Variants in CNTNAP4 observed in about 807,000 individuals in gnomAD.
CNTNAP4 encodes contactin-associated protein-like 4.
In CNTNAP4, 98 loss-of-function variants were observed where a neutral mutation model predicts 148.4. That is an observed-to-expected ratio of 0.66 (90% CI 0.56 to 0.78). CNTNAP4 has a LOEUF of 0.78. CNTNAP4 is among the 30% of genes least tolerant of loss of function. CNTNAP4 has a pLI of 0.00. For missense variants in CNTNAP4, 1,935 were observed against 1,565.6 expected, an observed-to-expected ratio of 1.24 and a Z score of -3.98; for synonymous variants, 730 against 565.1, an observed-to-expected ratio of 1.29 and a Z score of -4.14.
At chr16:76,542,173 T>C (rs560433244) in intron 21 of CNTNAP4, among the ~76,000 whole-genome samples, 63 of 152,302 alleles carry the variant, frequency 4.1e-4, no homozygotes, top group Non-Finnish European at 5.0e-4. Flanking sequence ...GGCTCTCCCT[T>C]TGTTAAAAAC....
chr16:76,540,850 C>CT, intron 21 of CNTNAP4, 60 bp downstream of exon 21: 1 of 1,203,564 alleles, frequency 8.3e-7, no homozygotes, highest in Non-Finnish European at 1.2e-6. Context: ...AAGCATGGAT[C>CT]AGAAAAGTCA....
chr16:76,402,964 A>G (rs965339616), intron 3 of CNTNAP4, among the ~76,000 whole-genome samples: 3 of 152,168 alleles, frequency 2.0e-5, no homozygotes, highest in African/African-American at 7.2e-5. Context: ...GCAATTAAGC[A>G]ATCAATTTTA....
chr16:76,427,895 A>ATAT (rs1390789759), intron 4 of CNTNAP4, among the ~76,000 whole-genome samples: 1 of 152,204 alleles, frequency 6.6e-6, no homozygotes, highest in Non-Finnish European at 1.5e-5. Context: ...TAACTTTCAA[A>ATAT]TATTAGAAGT....
At chr16:76,317,276 ACC>A (rs1273139459) in intron 2 of CNTNAP4, among the ~76,000 whole-genome samples, 120 of 101,956 alleles carry the variant, frequency 1.2e-3, no homozygotes, top group Non-Finnish European at 2.1e-3. Flanking sequence ...AAAAAAAAAA[ACC>A]AAAAAAAAAA....
intron 3 of CNTNAP4, among the ~76,000 whole-genome samples, chr16:76,395,864 G>T (rs2078185282): frequency 6.6e-6 from 1 of 151,870 alleles, no homozygotes; most frequent in Non-Finnish European, 1.5e-5. Flanking sequence ...TAGTAGCTAG[G>T]ACTACAGGTG....
chr16:76,453,539 A>C (rs1057391619), intron 8 of CNTNAP4, among the ~76,000 whole-genome samples: 2 of 152,210 alleles, frequency 1.3e-5, no homozygotes, highest in Non-Finnish European at 2.9e-5. Context: ...CAAGCCAAGC[A>C]ACTAGAGGTT....
At chr16:76,352,262 G>C (rs1278061040) in intron 2 of CNTNAP4, among the ~76,000 whole-genome samples, 4 of 152,148 alleles carry the variant, frequency 2.6e-5, no homozygotes, top group Admixed American at 1.3e-4. Flanking sequence ...ACAGGGCCTG[G>C]AGGGAAAGAA....
intron 1 of CNTNAP4, among the ~76,000 whole-genome samples, chr16:76,297,381 T>A (rs1959423824): frequency 1.3e-5 from 2 of 152,286 alleles, no homozygotes; most frequent in East Asian, 1.9e-4. Flanking sequence ...AAAAGATAAC[T>A]ATTTATATTT....
intron 2 of CNTNAP4, among the ~76,000 whole-genome samples, chr16:76,326,249 G>C (rs1962961580): frequency 6.6e-6 from 1 of 152,178 alleles, no homozygotes; most frequent in Admixed American, 6.5e-5. Context: ...GTACATGTGT[G>C]AAGGGCCCCA....
At chr16:76,342,435 A>G (rs951821947) in intron 2 of CNTNAP4, among the ~76,000 whole-genome samples, 3 of 127,610 alleles carry the variant, frequency 2.4e-5, no homozygotes, top group African/African-American at 8.8e-5. Flanking sequence ...TACAAATATT[A>G]TATTTCCTAA....
At chr16:76,390,574 T>TAAAAA (rs10670094) in intron 3 of CNTNAP4, among the ~76,000 whole-genome samples, 12 of 144,808 alleles carry the variant, frequency 8.3e-5, no homozygotes, top group African/African-American at 2.5e-4. Context: ...AAATAACAGG[T>TAAAAA]AAAAAAAAAA....
intron 3 of CNTNAP4, among the ~76,000 whole-genome samples, chr16:76,409,209 T>TTATTTTAA (rs1335914658): frequency 6.6e-6 from 1 of 151,988 alleles, no homozygotes; most frequent in African/African-American, 2.4e-5. Flanking sequence ...TCAGATACAT[T>TTATTTTAA]TATTTTAATT....
At chr16:76,402,150 T>G (rs1364484053) in intron 3 of CNTNAP4, among the ~76,000 whole-genome samples, 1 of 152,204 alleles carries the variant, frequency 6.6e-6, no homozygotes, top group Admixed American at 6.5e-5. Context: ...CTGGTAGAAT[T>G]GAGCTGTGAA....
chr16:76,356,771 G>A (rs1234190004), intron 3 of CNTNAP4, among the ~76,000 whole-genome samples: 1 of 152,068 alleles, frequency 6.6e-6, no homozygotes, highest in Non-Finnish European at 1.5e-5. Flanking sequence ...TGACCAGTCA[G>A]TTGCCTGTTT....
chr16:76,324,840 G>A (rs1320398194), intron 2 of CNTNAP4, among the ~76,000 whole-genome samples: 1 of 152,038 alleles, frequency 6.6e-6, no homozygotes, highest in Non-Finnish European at 1.5e-5. Context: ...ATCATATCAT[G>A]AGTGGCCCAC....
At chr16:76,282,297 A>T (rs1958718321) in intron 1 of CNTNAP4, among the ~76,000 whole-genome samples, 2 of 151,926 alleles carry the variant, frequency 1.3e-5, no homozygotes. Flanking sequence ...AAATTCCCAC[A>T]GTTTTAATCT....
chr16:76,558,943 C>T lies in CNTNAP4; in HGVS notation c.*260C>T, dbSNP rs2085311164. On this transcript the variant is annotated 3_prime_UTR_variant, in exon 24 of 24. Coordinates refer to ENST00000611870, the MANE Select transcript of CNTNAP4 (RefSeq NM_033401.5). ...TGGTATGATCTAAAACAAGTTTAACCTGCTTAATGGCTACAGTTTTTACAT... is the reference window on the plus strand; with the variant it reads ...TGGTATGATCTAAAACAAGTTTAACTTGCTTAATGGCTACAGTTTTTACAT... 3.7e-6 allele frequency: 1 copy of T among 268,542 alleles called. No individual in the cohort carries two copies. The highest frequency in any genetic ancestry group is 6.6e-5 in the East Asian group (1 of 15,072). 16.6% of individuals were successfully genotyped at this position (268,542 alleles called of 1,614,324 possible).
intron 1 of CNTNAP4, among the ~76,000 whole-genome samples, chr16:76,310,579 C>G (rs983359012): frequency 3.9e-5 from 6 of 152,238 alleles, no homozygotes; most frequent in African/African-American, 1.2e-4. Context: ...AGCTTCCTGT[C>G]AAAGGTCTCA....
chr16:76,296,378 A>C (rs951156572), intron 1 of CNTNAP4, among the ~76,000 whole-genome samples: 10 of 152,326 alleles, frequency 6.6e-5, no homozygotes, highest in Non-Finnish European at 1.2e-4. Flanking sequence ...ATGATAGAAG[A>C]CTGAATTCCT....
Sources: gnomAD v4.1 joint callset for allele counts (sites outside exome capture counted in the v4.1 genomes callset) on GRCh38, gnomAD v4.1.1 for gene constraint, MANE v1.5 for transcripts, NCBI Gene and HGNC (gene_info 2026-07-23, HGNC 2026-07-21) for gene names.